The following R3HDM1 variants were observed in gnomAD, a reference collection of about 807,000 sequenced individuals.
R3HDM1 encodes R3H domain-containing protein 1.
A neutral mutation model predicts 141.1 loss-of-function variants in R3HDM1; 46 were observed. The observed-to-expected ratio is 0.33, with a 90% confidence interval of 0.26 to 0.42. The LOEUF (loss-of-function observed/expected upper bound fraction) is 0.42, where lower values mean the gene tolerates loss of function less well. Ranked by LOEUF, R3HDM1 falls within the 10% of genes least tolerant of loss-of-function variation. The pLI, the probability that R3HDM1 is intolerant of heterozygous loss-of-function variation, is 1.00. For missense variants in R3HDM1, 1,184 were observed against 1,368.3 expected (o/e 0.87, Z 2.12); for synonymous variants, 435 against 472.9 (o/e 0.92, Z 1.04).
chr2:135,620,316 A>G (rs1316138099), intron 5 of R3HDM1: 1 of 900,780 alleles, frequency 1.1e-6, no homozygotes, highest in Non-Finnish European at 1.3e-6. Flanking sequence ...TCATTTCTAG[A>G]TACCTGTTTT....
At chr2:135,656,618 T>C (rs1289047587) in intron 18 of R3HDM1, 6 of 145,102 alleles carry the variant, frequency 4.1e-5, no homozygotes, top group South Asian at 4.8e-4. Context: ...GGGAATGTGT[T>C]ACGTACCTTT....
chr2:135,557,742 G>A (rs1701056587), intron 1 of R3HDM1, among the ~76,000 whole-genome samples: 1 of 152,172 alleles, frequency 6.6e-6, no homozygotes, highest in Admixed American at 6.5e-5. Flanking sequence ...TTCATGTCTA[G>A]GTCATGTTCT....
chr2:135,562,961 G>A (rs1236291775), intron 1 of R3HDM1, among the ~76,000 whole-genome samples: 1 of 152,166 alleles, frequency 6.6e-6, no homozygotes, highest in African/African-American at 2.4e-5. Context: ...CACATTACCT[G>A]TTGCCCAGCA....
chr2:135,569,164 ATTAAGAATGTAGAAGATTTTTT>A (rs1703480607), intron 1 of R3HDM1, among the ~76,000 whole-genome samples: 1 of 152,198 alleles, frequency 6.6e-6, no homozygotes. Context: ...AGTTAAAACT[ATTAAGAATGTAGAAGATTTTTT>A]TTAATTTCGC....
At chr2:135,609,065 TTTTC>T in intron 3 of R3HDM1, among the ~76,000 whole-genome samples, 1 of 152,310 alleles carries the variant, frequency 6.6e-6, no homozygotes, top group South Asian at 2.1e-4. Context: ...GACTTTATGA[TTTTC>T]TTTCTGTTAA....
At chr2:135,672,340 C>A (rs1237956030) in intron 19 of R3HDM1, among the ~76,000 whole-genome samples, 1 of 152,148 alleles carries the variant, frequency 6.6e-6, no homozygotes. Context: ...CTTCATCTTC[C>A]ACTTATCACT....
At chr2:135,582,157 G>A (rs190247826) in intron 1 of R3HDM1, among the ~76,000 whole-genome samples, 14 of 152,158 alleles carry the variant, frequency 9.2e-5, no homozygotes, top group African/African-American at 3.4e-4. Flanking sequence ...GTGAAACCCC[G>A]TTTCTACTAA....
intron 1 of R3HDM1, among the ~76,000 whole-genome samples, chr2:135,585,469 T>A (rs1707681773): frequency 6.6e-6 from 1 of 152,192 alleles, no homozygotes; most frequent in African/African-American, 2.4e-5. Context: ...CCTTACAACA[T>A]TCCTGTATGC....
At chr2:135,589,153 T>A (rs1031578682) in intron 1 of R3HDM1, among the ~76,000 whole-genome samples, 1 of 152,188 alleles carries the variant, frequency 6.6e-6, no homozygotes, top group Non-Finnish European at 1.5e-5. Flanking sequence ...TCAAGCATAG[T>A]ATATATTAAT....
At chr2:135,537,714 T>G (rs1192408299) in intron 1 of R3HDM1, among the ~76,000 whole-genome samples, 1 of 151,622 alleles carries the variant, frequency 6.6e-6, no homozygotes, top group Non-Finnish European at 1.5e-5. Context: ...TGGAGTGCAG[T>G]GGTGCAGTCT....
intron 16 of R3HDM1, 40 bp downstream of exon 16, chr2:135,645,567 C>T (rs1204093767): frequency 4.4e-6 from 7 of 1,592,818 alleles, no homozygotes; most frequent in Admixed American, 1.7e-5. Context: ...AGTTGACTTG[C>T]CTTTACATAT....
intron 1 of R3HDM1, among the ~76,000 whole-genome samples, chr2:135,599,841 G>A (rs2059477050): frequency 6.6e-6 from 1 of 152,096 alleles, no homozygotes; most frequent in Non-Finnish European, 1.5e-5. Context: ...AGACCAGCCT[G>A]TGCAAAATAG....
chr2:135,580,194 T>C (rs1002933231), intron 1 of R3HDM1, among the ~76,000 whole-genome samples: 1 of 152,154 alleles, frequency 6.6e-6, no homozygotes, highest in Admixed American at 6.5e-5. Context: ...GAGGTTGCAG[T>C]GAGCTGAGAT....
At chr2:135,615,806 A>G (rs2060973500) in intron 3 of R3HDM1, among the ~76,000 whole-genome samples, 1 of 152,198 alleles carries the variant, frequency 6.6e-6, no homozygotes, top group African/African-American at 2.4e-5. Flanking sequence ...TGGCTAAACT[A>G]TAATATGTTG....
chr2:135,616,263 A>G, intron 4 of R3HDM1, 70 bp downstream of exon 4: 1 of 1,418,008 alleles, frequency 7.1e-7, no homozygotes, highest in Non-Finnish European at 9.9e-7. Flanking sequence ...CCTTGTTTTC[A>G]TATAGCACTA....
rs2059710706 is a variant in R3HDM1 at position 135,602,619 on chromosome 2, A to T, written c.-130A>T. 2.6e-6 allele frequency: 4 copies of T among 1,548,178 alleles called. No homozygotes were observed. Among genetic ancestry groups the T allele is most frequent in the Non-Finnish European group, 2.6e-6 (3 of 1,146,346 alleles). Reference sequence around the variant, plus strand: ...TTACAGATGGTTCACTACAGTTGACATCCTGGCTGACAACTGTGAAAAAGA... The same window carrying T: ...TTACAGATGGTTCACTACAGTTGACTTCCTGGCTGACAACTGTGAAAAAGA... On this transcript the variant is annotated 5_prime_UTR_variant, in exon 2 of 27. Coordinates refer to ENST00000683871, the MANE Select transcript of R3HDM1 (RefSeq NM_001378107.1).
chr2:135,543,605 ATATT>A (rs1316626376), intron 1 of R3HDM1, among the ~76,000 whole-genome samples: 4 of 152,182 alleles, frequency 2.6e-5, no homozygotes, highest in South Asian at 2.1e-4. Flanking sequence ...ATTTTAAAAA[ATATT>A]TAATGATTAA....
At chr2:135,666,525 G>C (rs1053329274) in intron 19 of R3HDM1, among the ~76,000 whole-genome samples, 2 of 151,974 alleles carry the variant, frequency 1.3e-5, no homozygotes, top group Non-Finnish European at 2.9e-5. Context: ...CCATTAACCT[G>C]CCGCCACTGA....
intron 18 of R3HDM1, among the ~76,000 whole-genome samples, chr2:135,659,595 A>C (rs1377963840): frequency 6.6e-6 from 1 of 151,740 alleles, no homozygotes; most frequent in Non-Finnish European, 1.5e-5. Context: ...GCACCTCCAC[A>C]CCTAGCTAAT....
Sources: gnomAD v4.1 joint callset for allele counts (sites outside exome capture counted in the v4.1 genomes callset) on GRCh38, gnomAD v4.1.1 for gene constraint, MANE v1.5 for transcripts, NCBI Gene and HGNC (gene_info 2026-07-23, HGNC 2026-07-21) for gene names.